The following CSMD1 variants were observed in gnomAD, a reference collection of about 807,000 sequenced individuals.
CSMD1 encodes the protein CUB and Sushi multiple domains 1.
CSMD1 carries 213 observed loss-of-function variants against 417.5 expected under a neutral mutation model. The ratio of observed to expected loss-of-function variants is 0.51; its 90% confidence interval spans 0.46 to 0.57. The LOEUF (loss-of-function observed/expected upper bound fraction) is 0.57, where lower values mean the gene tolerates loss of function less well. Ranked by LOEUF, CSMD1 falls within the 20% of genes least tolerant of loss-of-function variation. The pLI is 0.00. For synonymous variants in CSMD1, 2,862 were observed against 1,736.8 expected, an observed-to-expected ratio of 1.65 and a Z score of -16.11; for missense variants, 6,923 against 4,529.7, an observed-to-expected ratio of 1.53 and a Z score of -15.17.
chr8:3,194,408 C>CGATTT (rs371866526), intron 33 of CSMD1, among the ~76,000 whole-genome samples: 47 of 134,914 alleles, frequency 3.5e-4, no homozygotes, highest in African/African-American at 1.3e-3. Context: ...ATCTGATTAA[C>CGATTT]TATTTTATTT....
intron 10 of CSMD1, among the ~76,000 whole-genome samples, chr8:3,547,103 G>A (rs1301760097): frequency 2.0e-5 from 3 of 152,158 alleles, no homozygotes; most frequent in Non-Finnish European, 2.9e-5. Flanking sequence ...GTGGGCTACA[G>A]GTTGGCCAAC....
At chr8:3,731,789 T>A (rs895894934) in intron 6 of CSMD1, among the ~76,000 whole-genome samples, 1 of 152,126 alleles carries the variant, frequency 6.6e-6, no homozygotes, top group African/African-American at 2.4e-5. Flanking sequence ...ATTAAGTGCT[T>A]ATGTTTTGGA....
chr8:4,088,239 G>T (rs1800524246), intron 3 of CSMD1, among the ~76,000 whole-genome samples: 2 of 152,170 alleles, frequency 1.3e-5, no homozygotes, highest in African/African-American at 2.4e-5. Flanking sequence ...GCTCTCAGAA[G>T]CTGAGAAGTA....
At chr8:4,828,643 C>T (rs1267085558) in intron 1 of CSMD1, among the ~76,000 whole-genome samples, 1 of 152,150 alleles carries the variant, frequency 6.6e-6, no homozygotes, top group East Asian at 1.9e-4. Context: ...GAGAACGTTA[C>T]TCGGCATGGG....
intron 3 of CSMD1, among the ~76,000 whole-genome samples, chr8:4,235,600 G>A (rs1332522217): frequency 6.6e-6 from 1 of 151,976 alleles, no homozygotes; most frequent in African/African-American, 2.4e-5. Context: ...TTTCTCTCAG[G>A]GATCTCATGA....
At chr8:3,588,573 G>T (rs1281416922) in intron 8 of CSMD1, among the ~76,000 whole-genome samples, 4 of 152,124 alleles carry the variant, frequency 2.6e-5, no homozygotes, top group Non-Finnish European at 5.9e-5. Context: ...AGGGCTCTCT[G>T]CTCCTATAAC....
At chr8:3,987,347 G>C (rs1814411407) in intron 5 of CSMD1, among the ~76,000 whole-genome samples, 1 of 152,150 alleles carries the variant, frequency 6.6e-6, no homozygotes, top group African/African-American at 2.4e-5. Context: ...CAGCATCTTT[G>C]CAACTGCATT....
intron 3 of CSMD1, among the ~76,000 whole-genome samples, chr8:4,261,448 T>C (rs540556953): frequency 2.0e-5 from 3 of 152,210 alleles, no homozygotes; most frequent in Admixed American, 2.0e-4. Context: ...GTTTACAAAC[T>C]TCCAGTTCGA....
intron 5 of CSMD1, among the ~76,000 whole-genome samples, chr8:3,883,592 G>C (rs539036037): frequency 1.3e-5 from 2 of 152,112 alleles, no homozygotes; most frequent in African/African-American, 2.4e-5. Flanking sequence ...GCAAAAATTA[G>C]TGTTATTATT....
chr8:4,631,133 C>A (rs557485057), intron 2 of CSMD1, among the ~76,000 whole-genome samples: 2 of 152,028 alleles, frequency 1.3e-5, no homozygotes, highest in African/African-American at 4.8e-5. Flanking sequence ...GAGGCCGAGG[C>A]GGGTGGATCA....
chr8:3,718,407 G>C (rs7843888), intron 6 of CSMD1, among the ~76,000 whole-genome samples: 2 of 151,910 alleles, frequency 1.3e-5, no homozygotes, highest in South Asian at 2.1e-4. Flanking sequence ...AAATCAGTCA[G>C]TGTCCTTTCC....
intron 68 of CSMD1, 24 bp downstream of exon 68, chr8:2,949,275 A>G (rs749443879): frequency 7.3e-7 from 1 of 1,361,888 alleles, no homozygotes; most frequent in East Asian, 2.3e-5. Flanking sequence ...ATTTGCTTTA[A>G]AATATATCCT....
chr8:4,873,310 G>A (rs560902123), intron 1 of CSMD1, among the ~76,000 whole-genome samples: 7 of 152,114 alleles, frequency 4.6e-5, no homozygotes, highest in East Asian at 3.9e-4. Flanking sequence ...ATTCACATTC[G>A]TAGACCCATT....
At chr8:3,202,752 G>C (rs565112087) in intron 31 of CSMD1, among the ~76,000 whole-genome samples, 7 of 152,280 alleles carry the variant, frequency 4.6e-5, no homozygotes, top group Admixed American at 1.3e-4. Flanking sequence ...AACTGTAACA[G>C]TGTGTGTGCC....
chr8:4,510,389 C>CAAAAAAAAAAAAAAAAAAAA, intron 2 of CSMD1, among the ~76,000 whole-genome samples: 1 of 10,960 alleles, frequency 9.1e-5, no homozygotes, highest in African/African-American at 4.1e-4. Flanking sequence ...AGCATAATGC[C>CAAAAAAAAAAAAAAAAAAAA]TAAAAAAAAA....
chr8:3,667,284 G>C (rs146195010), intron 7 of CSMD1, among the ~76,000 whole-genome samples: 240 of 152,118 alleles, frequency 1.6e-3, no homozygotes, highest in African/African-American at 5.5e-3. Flanking sequence ...CAGATTATAA[G>C]GGTTATGTGA....
intron 26 of CSMD1, among the ~76,000 whole-genome samples, chr8:3,244,875 A>G (rs967458647): frequency 6.6e-6 from 1 of 152,070 alleles, no homozygotes; most frequent in Non-Finnish European, 1.5e-5. Context: ...GATTTTTAGG[A>G]CCTGACTCTC....
intron 5 of CSMD1, among the ~76,000 whole-genome samples, chr8:3,851,561 C>A (rs964273749): frequency 1.3e-5 from 2 of 152,188 alleles, no homozygotes; most frequent in African/African-American, 2.4e-5. Flanking sequence ...CCTTGAGCAG[C>A]AACTCCCTGC....
At chr8:4,788,498 T>G in intron 1 of CSMD1, 1 of 1,362,162 alleles carries the variant, frequency 7.3e-7, no homozygotes, top group African/African-American at 1.5e-5. Context: ...AGACAACCAT[T>G]TAGTATGGAG....
Sources: allele counts gnomAD v4.1 joint callset (sites outside exome capture counted in the v4.1 genomes callset), GRCh38; gene constraint gnomAD v4.1.1; transcripts MANE v1.5; gene names NCBI Gene and HGNC (gene_info 2026-07-23, HGNC 2026-07-21).